Variants in SYT1 observed in about 807,000 individuals in gnomAD.
SYT1 encodes the protein synaptotagmin 1.
SYT1 carries 8 observed loss-of-function variants against 44.8 expected under a neutral mutation model. That is an observed-to-expected ratio of 0.18 (90% confidence interval 0.10 to 0.32). The LOEUF (loss-of-function observed/expected upper bound fraction) is 0.32. SYT1 is among the 10% of genes least tolerant of loss of function. SYT1 has a pLI of 1.00. For missense variants in SYT1, 286 were observed against 509.3 expected (o/e 0.56, Z 4.22); for synonymous variants, 154 against 188.8 (o/e 0.82, Z 1.51).
intron 1 of SYT1, among the ~76,000 whole-genome samples, chr12:78,968,993 T>C (rs758037058): frequency 3.5e-4 from 53 of 152,174 alleles, no homozygotes; most frequent in Non-Finnish European, 6.2e-4. Context: ...AAAGAAAATA[T>C]ATATGCAGTG....
intron 3 of SYT1, among the ~76,000 whole-genome samples, chr12:79,143,116 C>G (rs1287524342): frequency 6.6e-6 from 1 of 152,130 alleles, no homozygotes; most frequent in East Asian, 1.9e-4. Flanking sequence ...ACAGTTTTCT[C>G]TGATGATACT....
chr12:79,230,103 A>T (rs1052368504), intron 4 of SYT1, among the ~76,000 whole-genome samples: 4 of 152,232 alleles, frequency 2.6e-5, no homozygotes, highest in African/African-American at 7.2e-5. Flanking sequence ...GCCCCATAGG[A>T]CATACATGTA....
At chr12:79,036,900 C>G (rs1169066525) in intron 2 of SYT1, among the ~76,000 whole-genome samples, 1 of 151,754 alleles carries the variant, frequency 6.6e-6, no homozygotes, top group African/African-American at 2.4e-5. Flanking sequence ...GAATCAACTT[C>G]TCCCACTCTC....
In SYT1 at chr12:79,441,620, C is replaced by CCCT. The variant is rs1351411708; in HGVS notation, c.929-2451_929-2449dup. 3.9e-5 allele frequency among the ~76,000 whole-genome samples: 6 copies of CCCT among 152,104 alleles called. 1 individual carries two copies. Among genetic ancestry groups the CCCT allele is most frequent in the African/African-American group, 1.4e-4 (6 of 41,414 alleles). Reference sequence around the variant, plus strand: ...ATGAGCCACTGCACCCAGCCCCCAACCCTCTGTTCTCTTTTTTATGTATCA... The same window carrying CCCT: ...ATGAGCCACTGCACCCAGCCCCCAACCCTCCTCTGTTCTCTTTTTTATGTATCA... On this transcript the variant is annotated intron_variant, in intron 9 of 10. Coordinates refer to ENST00000261205, the MANE Select transcript of SYT1 (RefSeq NM_005639.3).
intron 3 of SYT1, among the ~76,000 whole-genome samples, chr12:79,155,399 G>C (rs986357001): frequency 6.6e-6 from 1 of 152,204 alleles, no homozygotes; most frequent in Non-Finnish European, 1.5e-5. Context: ...TAGGATCCCA[G>C]TGTTAATATA....
intron 1 of SYT1, among the ~76,000 whole-genome samples, chr12:78,963,632 G>A (rs1879626847): frequency 6.6e-6 from 1 of 152,044 alleles, no homozygotes; most frequent in Non-Finnish European, 1.5e-5. Context: ...ACACCTGTTA[G>A]GATGGCCACA....
intron 2 of SYT1, among the ~76,000 whole-genome samples, chr12:79,011,675 A>C (rs1871417344): frequency 2.0e-5 from 3 of 151,640 alleles, no homozygotes; most frequent in Admixed American, 1.3e-4. Context: ...AAAAAAAAAA[A>C]AACACCTGTG....
At chr12:78,887,437 G>A (rs963478559) in intron 1 of SYT1, among the ~76,000 whole-genome samples, 10 of 151,980 alleles carry the variant, frequency 6.6e-5, no homozygotes, top group Admixed American at 3.3e-4. Context: ...CAAGGTGAAA[G>A]TTCTTGACTT....
chr12:79,312,229 T>C (rs1880842863), intron 8 of SYT1, among the ~76,000 whole-genome samples: 1 of 152,160 alleles, frequency 6.6e-6, no homozygotes. Flanking sequence ...TTAAATCGAT[T>C]TGTAAAAATG....
chr12:79,340,775 A>T (rs766080632), intron 8 of SYT1, among the ~76,000 whole-genome samples: 2 of 152,128 alleles, frequency 1.3e-5, no homozygotes, highest in African/African-American at 2.4e-5. Context: ...ACCCATAGAG[A>T]TCTAAAGCTT....
chr12:79,072,555 G>A lies in SYT1; in HGVS notation c.-18+25193G>A, dbSNP rs74110122. ...AGTTTTTTATAGTGTCTAAGAATGC[G>A]TAAATGGTATGCAAAAATATTTTCA... On this transcript the variant is annotated intron_variant, in intron 3 of 10. Transcript: ENST00000261205. 9.6e-3 allele frequency among the ~76,000 whole-genome samples: 1,466 copies of A among 152,050 alleles called. 32 individuals are homozygous for A. The highest frequency in any genetic ancestry group is 0.033 in the African/African-American group (1,351 of 41,472).
chr12:78,907,455 A>G (rs1009159751), intron 1 of SYT1, among the ~76,000 whole-genome samples: 6 of 151,946 alleles, frequency 3.9e-5, no homozygotes, highest in African/African-American at 1.4e-4. Flanking sequence ...ATAATATATT[A>G]TATATTAGCT....
chr12:79,135,209 C>G (rs998047234), intron 3 of SYT1, among the ~76,000 whole-genome samples: 1 of 151,644 alleles, frequency 6.6e-6, no homozygotes, highest in South Asian at 2.1e-4. Context: ...CCCATTAACT[C>G]GTCATTTAGC....
intron 8 of SYT1, among the ~76,000 whole-genome samples, chr12:79,300,696 C>T (rs1357564678): frequency 3.3e-5 from 5 of 150,196 alleles, no homozygotes; most frequent in Non-Finnish European, 5.9e-5. Flanking sequence ...TTAAACTCTG[C>T]TCTTTTTTTT....
chr12:78,980,127 G>C (rs1292880490), intron 2 of SYT1, among the ~76,000 whole-genome samples: 1 of 152,014 alleles, frequency 6.6e-6, no homozygotes, highest in Non-Finnish European at 1.5e-5. Context: ...AGTAAGACAT[G>C]TTTGCCAATT....
intron 4 of SYT1, among the ~76,000 whole-genome samples, chr12:79,235,228 G>A (rs570524812): frequency 6.6e-6 from 1 of 152,300 alleles, no homozygotes; most frequent in South Asian, 2.1e-4. Flanking sequence ...GGTGATATAT[G>A]AGAGTTCTAG....
chr12:79,019,293 ATAACT>A (rs1245367205), intron 2 of SYT1, among the ~76,000 whole-genome samples: 6 of 152,034 alleles, frequency 3.9e-5, no homozygotes, highest in African/African-American at 1.4e-4. Flanking sequence ...CCTTCTTAAA[ATAACT>A]TAATTTGGGG....
At chr12:79,218,069 C>G (rs1479904649) in intron 4 of SYT1, among the ~76,000 whole-genome samples, 1 of 151,916 alleles carries the variant, frequency 6.6e-6, no homozygotes, top group Non-Finnish European at 1.5e-5. Flanking sequence ...CTAAGGTTTG[C>G]TTTCCCAATA....
chr12:79,117,614 C>A (rs1811975799), intron 3 of SYT1, among the ~76,000 whole-genome samples: 1 of 141,540 alleles, frequency 7.1e-6, no homozygotes, highest in South Asian at 2.3e-4. Flanking sequence ...GCCTCTACCA[C>A]AGGACAGATC....
Sources: allele counts gnomAD v4.1 joint callset (sites outside exome capture counted in the v4.1 genomes callset), GRCh38; gene constraint gnomAD v4.1.1; transcripts MANE v1.5; gene names NCBI Gene and HGNC (gene_info 2026-07-23, HGNC 2026-07-21).